The following ITSN1 variants were observed in gnomAD, a reference collection of about 807,000 sequenced individuals.
ITSN1 encodes the protein intersectin 1.
A neutral mutation model predicts 239.8 loss-of-function variants in ITSN1; 58 were observed. The ratio of observed to expected loss-of-function variants is 0.24; its 90% CI spans 0.20 to 0.30. The LOEUF is 0.30. ITSN1 is among the 10% of genes least tolerant of loss of function. The pLI is 1.00. For missense variants in ITSN1, 1,558 were observed against 2,103.3 expected (o/e 0.74, Z 5.07); for synonymous variants, 780 against 770.8 (o/e 1.01, Z -0.20).
In ITSN1 at chr21:33,882,183, A is replaced by G. The variant is rs756688339; in HGVS notation, c.4342-60A>G. On this transcript the variant is annotated intron_variant, in intron 34 of 39. Transcript: ENST00000381318. The surrounding 1 kb of genome is among the most constrained non-coding windows in gnomAD (Gnocchi z 4.5). ...CTGGCCTCTGATTCTGATGGAGCCC[A>G]TGCTTTCAGATGCGGAGAAACAAAA... The G allele has an allele frequency of 1.2e-5, 18 of 1,453,372 alleles. No homozygotes were observed. Among genetic ancestry groups the G allele is most frequent in the Non-Finnish European group, 1.6e-5 (17 of 1,049,656 alleles). The allele number at this position is 1,453,372 out of a possible 1,614,324, so 90.0% of individuals were successfully genotyped here.
At chr21:33,856,587 C>A in intron 29 of ITSN1, 149 bp from the exon 30 acceptor site, 1 of 993,394 alleles carries the variant, frequency 1.0e-6, no homozygotes, top group Non-Finnish European at 1.5e-6. Flanking sequence ...AGGGCTTCCA[C>A]ATATTACTGG....
chr21:33,865,020 C>T lies in ITSN1; in HGVS notation c.3891-131C>T. The stretch of plus-strand genomic sequence containing the variant: ...CATTTCTTTCTCCATTCCTTGTCTC[C>T]CAAATAGATCCTTTAGTGGCCCTTA... On this transcript the variant is annotated intron_variant, in intron 31 of 39. Transcript: ENST00000381318. The surrounding 1 kb of genome is among the most constrained non-coding windows in gnomAD (Gnocchi z 4.4). 1 of 785,620 alleles carries T rather than the reference C, an allele frequency of 1.3e-6. No individual in the cohort carries two copies. Among genetic ancestry groups the T allele is most frequent in the East Asian group, 3.0e-5 (1 of 33,510 alleles). 48.7% of individuals were successfully genotyped at this position (785,620 alleles called of 1,614,324 possible). A position where few individuals can be genotyped will look rare whatever the true frequency, so the allele number is the denominator to read the frequency against.
chr21:33,711,775 A>G lies in ITSN1; in HGVS notation c.-32-7022A>G, dbSNP rs193122188. On this transcript the variant is annotated intron_variant, in intron 1 of 39. Transcript: ENST00000381318. ...TTAATATTTTATCACTTCACATAGAATGTAGAAGGCTTGCAGCCATAAAAG... is the reference window on the plus strand; with the variant it reads ...TTAATATTTTATCACTTCACATAGAGTGTAGAAGGCTTGCAGCCATAAAAG... Among the ~76,000 whole-genome samples, 477 of 152,140 alleles carry G rather than the reference A, an allele frequency of 3.1e-3. 2 individuals are homozygous for G. The highest frequency in any genetic ancestry group is 0.011 in the African/African-American group (458 of 41,492).
chr21:33,713,639 A>C (rs2092480460), intron 1 of ITSN1, among the ~76,000 whole-genome samples: 1 of 152,136 alleles, frequency 6.6e-6, no homozygotes, highest in African/African-American at 2.4e-5. Context: ...CCTTAAGCCA[A>C]GATGTCATCT....
intron 26 of ITSN1, among the ~76,000 whole-genome samples, chr21:33,827,822 T>C (rs1226648841): frequency 2.0e-5 from 3 of 152,228 alleles, no homozygotes; most frequent in Non-Finnish European, 4.4e-5. Flanking sequence ...ATCATATTCT[T>C]AGAAAATTAT....
At position 33,853,393 on chromosome 21, in the gene ITSN1, C is replaced by T. The variant is rs570006937; in HGVS notation, c.3662-3343C>T. On this transcript the variant is annotated intron_variant, in intron 29 of 39. Transcript: ENST00000381318. ...GAGCAGGAGGCCACGCAGCAGCCCTCCAGCTTGTCCCCAACTGGCCCCAGG... is the reference window on the plus strand; with the variant it reads ...GAGCAGGAGGCCACGCAGCAGCCCTTCAGCTTGTCCCCAACTGGCCCCAGG... Among the ~76,000 whole-genome samples, 10 of 152,340 alleles carry T rather than the reference C, an allele frequency of 6.6e-5. No individual in the cohort carries two copies. In the South Asian group the frequency reaches 2.1e-3, roughly 32 times the overall value.
At chr21:33,886,546 GC>G in intron 39 of ITSN1, 86 bp downstream of exon 39, 1 of 1,217,446 alleles carries the variant, frequency 8.2e-7, no homozygotes, top group Non-Finnish European at 1.1e-6. Context: ...GGGACTTGGT[GC>G]CAGGATTCCT....
intron 20 of ITSN1, among the ~76,000 whole-genome samples, chr21:33,809,892 C>G (rs2072771875): frequency 6.6e-6 from 1 of 152,184 alleles, no homozygotes; most frequent in Non-Finnish European, 1.5e-5. Context: ...CTCCTGGGTT[C>G]AAGCGATTCT....
chr21:33,690,777 A>ATGTGTG (rs1410211078), intron 1 of ITSN1, among the ~76,000 whole-genome samples: 1 of 19,304 alleles, frequency 5.2e-5, no homozygotes, highest in African/African-American at 3.7e-4. Context: ...AAAAAAGTGT[A>ATGTGTG]TATATATATA....
At chr21:33,704,943 AAAAATAC>A (rs1456329676) in intron 1 of ITSN1, among the ~76,000 whole-genome samples, 2 of 148,138 alleles carry the variant, frequency 1.4e-5, no homozygotes, top group African/African-American at 5.1e-5. Flanking sequence ...AAAAAAAAAA[AAAAATAC>A]AAACAAAAAC....
chr21:33,817,716 A>G (rs775830317), intron 22 of ITSN1: 17 of 970,854 alleles, frequency 1.8e-5, no homozygotes, highest in Non-Finnish European at 1.5e-5. Flanking sequence ...TAGATGTACA[A>G]TAAATGGTAA....
In ITSN1 at chr21:33,876,453, C is replaced by T. The variant is rs1051755145; in HGVS notation, c.4341+932C>T. 6.6e-5 allele frequency among the ~76,000 whole-genome samples: 10 copies of T among 152,268 alleles called. No homozygotes were observed. The South Asian group carries it at 2.1e-3, about 32-fold the overall frequency. ...AATCCCAGTTCAATGCAGCCTGGAC[C>T]ACCTGAGCTCAAGTGATCTTCCCAC... is the stretch of plus-strand genomic sequence containing the variant. On this transcript the variant is annotated intron_variant, in intron 34 of 39. Coordinates refer to ENST00000381318, the MANE Select transcript of ITSN1 (RefSeq NM_003024.3).
In ITSN1 at chr21:33,802,438, G is replaced by A. The variant is rs759633349; in HGVS notation, c.2313G>A (p.Gly771=). ...IQPGDIVMVK[G]EWVDESQTGE... is the part of the protein sequence containing the mutation. ...TTGCTTTCCTGGTGGAGGTTAAAGG[G>A]GAATGGGTAAGTGTTGCCTAACTGT... is the stretch of plus-strand genomic sequence containing the variant. Residue 771 remains glycine, a synonymous_variant, in exon 20 of 40, where the codon GGG becomes GGA. Coordinates refer to ENST00000381318, the MANE Select transcript of ITSN1 (RefSeq NM_003024.3). The A allele has an allele frequency of 6.2e-7, 1 of 1,613,518 alleles. No individual in the cohort carries two copies. Among genetic ancestry groups the A allele is most frequent in the Non-Finnish European group, 8.5e-7 (1 of 1,179,666 alleles).
chr21:33,646,390 T>A (rs2087956444), intron 1 of ITSN1, among the ~76,000 whole-genome samples: 1 of 152,246 alleles, frequency 6.6e-6, no homozygotes, highest in Admixed American at 6.5e-5. Context: ...AATATCATTT[T>A]ATAAACCATA....
At position 33,772,015 on chromosome 21, in the gene ITSN1, G is replaced by A. The variant is rs1402067821; in HGVS notation, c.1043-46G>A. ...GTGAGTTTTCCTTTGAAAAGAGTCCGTTGAAAATCTTGAGTTTTCATAGTT... is the reference window on the plus strand; with the variant it reads ...GTGAGTTTTCCTTTGAAAAGAGTCCATTGAAAATCTTGAGTTTTCATAGTT... On this transcript the variant is annotated intron_variant, in intron 11 of 39. Transcript: ENST00000381318. 1.5e-5 allele frequency: 24 copies of A among 1,596,190 alleles called. 1 individual carries two copies. Among genetic ancestry groups the A allele is most frequent in the Middle Eastern group, 1.7e-4 (1 of 5,970 alleles).
At chr21:33,752,236 G>C (rs1432133826) in intron 7 of ITSN1, among the ~76,000 whole-genome samples, 1 of 151,628 alleles carries the variant, frequency 6.6e-6, no homozygotes, top group Non-Finnish European at 1.5e-5. Flanking sequence ...AAAAGCAAAT[G>C]AACTATTTTA....
chr21:33,751,043 A>C (rs529301660), intron 6 of ITSN1, among the ~76,000 whole-genome samples: 2 of 152,256 alleles, frequency 1.3e-5, no homozygotes, highest in South Asian at 4.1e-4. Flanking sequence ...TGGCCCCCTG[A>C]ATTTGTTGTA....
At chr21:33,784,310 AACACACAC>A (rs58496273) in intron 16 of ITSN1, among the ~76,000 whole-genome samples, 16,568 of 134,120 alleles carry the variant, frequency 0.12, 1,140 homozygotes, top group East Asian at 0.34. Context: ...GTCTCTACAA[AACACACAC>A]ACACACACAC....
intron 1 of ITSN1, among the ~76,000 whole-genome samples, chr21:33,692,156 G>A: frequency 6.6e-6 from 1 of 152,200 alleles, no homozygotes; most frequent in East Asian, 1.9e-4. Flanking sequence ...TCGTTGAGGA[G>A]GGCTCAGAGA....
Sources: gnomAD v4.1 joint callset for allele counts (sites outside exome capture counted in the v4.1 genomes callset) on GRCh38, gnomAD v4.1.1 for gene constraint, Gnocchi (gnomAD v3.1) non-coding constraint, MANE v1.5 for transcripts, NCBI Gene and HGNC (gene_info 2026-07-23, HGNC 2026-07-21) for gene names.